UBE2V1: variants seen among roughly 807,000 people sequenced by gnomAD.
The protein encoded by UBE2V1 is ubiquitin conjugating enzyme E2 V1.
In UBE2V1, 15 loss-of-function variants were observed where a neutral mutation model predicts 19.6. The observed-to-expected ratio is 0.77, with a 90% CI of 0.51 to 1.18. The LOEUF (loss-of-function observed/expected upper bound fraction) is 1.18, where lower values mean the gene tolerates loss of function less well. Among genes scored for constraint, UBE2V1 ranks in the 50% most tolerant of loss-of-function variants. UBE2V1 has a pLI of 0.00. For synonymous variants in UBE2V1, 60 were observed against 60.7 expected, an observed-to-expected ratio of 0.99 and a Z score of 0.05; for missense variants, 125 against 184.8, an observed-to-expected ratio of 0.68 and a Z score of 1.88.
chr20:50,091,838 T>C (rs936653622), intron 2 of UBE2V1, among the ~76,000 whole-genome samples: 4 of 152,234 alleles, frequency 2.6e-5, no homozygotes, highest in African/African-American at 9.6e-5. Flanking sequence ...TACGTTTGCA[T>C]ACCCACAGCA....
chr20:50,082,955 C>T (rs757511844), intron 3 of UBE2V1, 41 bp from the exon 4 acceptor site: 4 of 1,595,442 alleles, frequency 2.5e-6, no homozygotes, highest in Non-Finnish European at 3.4e-6. Flanking sequence ...CTCAGACTCT[C>T]AAACAAAATA....
At chr20:50,113,523 A>C (rs1228807325), upstream of UBE2V1, among the ~76,000 whole-genome samples, 1 of 152,236 alleles carries the variant, frequency 6.6e-6, no homozygotes, top group Non-Finnish European at 1.5e-5. Flanking sequence ...CCGCAAGGTC[A>C]GAATTAATGT....
At chr20:50,111,932 C>G (rs2080778740) in intron 1 of UBE2V1, among the ~76,000 whole-genome samples, 1 of 152,142 alleles carries the variant, frequency 6.6e-6, no homozygotes, top group Non-Finnish European at 1.5e-5. Context: ...CCATTTTCAC[C>G]CCATCTGAGA....
intron 3 of UBE2V1, 77 bp downstream of exon 3, chr20:50,084,052 A>C: frequency 6.6e-7 from 1 of 1,514,962 alleles, no homozygotes; most frequent in Non-Finnish European, 8.8e-7. Flanking sequence ...AATTGGGCCC[A>C]GTCTAAAAGC....
At chr20:50,104,238 C>T (rs1281070805) in intron 1 of UBE2V1, 14 of 904,264 alleles carry the variant, frequency 1.5e-5, no homozygotes, top group African/African-American at 3.8e-5. Context: ...GCCGAGATCG[C>T]GCCACGGCAC....
chr20:50,092,356 C>T (rs1022912469), intron 2 of UBE2V1, among the ~76,000 whole-genome samples: 1 of 152,070 alleles, frequency 6.6e-6, no homozygotes, highest in Non-Finnish European at 1.5e-5. Flanking sequence ...TGGAGAACCC[C>T]AGAGGCTCAA....
intron 1 of UBE2V1, chr20:50,098,877 C>A: frequency 1.0e-6 from 1 of 978,228 alleles, no homozygotes. Flanking sequence ...AACCTGCAAG[C>A]ATACTTGAAC....
chr20:50,096,479 T>G (rs2079630670), intron 2 of UBE2V1, 193 bp downstream of exon 2: 1 of 1,451,660 alleles, frequency 6.9e-7, no homozygotes, highest in African/African-American at 1.4e-5. Flanking sequence ...AGGTTTTTGC[T>G]TACCATTTAG....
At chr20:50,109,054 G>A in intron 1 of UBE2V1, 1 of 985,418 alleles carries the variant, frequency 1.0e-6, no homozygotes, top group Non-Finnish European at 1.2e-6. Context: ...AGTCTCCCTT[G>A]GCTTTTGGCT....
At chr20:50,115,759 C>G, upstream of UBE2V1, 1 of 623,382 alleles carries the variant, frequency 1.6e-6, no homozygotes, top group Non-Finnish European at 2.3e-6. Flanking sequence ...TGTGAATATC[C>G]CCATTTTTAG....
intron 1 of UBE2V1, among the ~76,000 whole-genome samples, chr20:50,105,006 C>T (rs924152504): frequency 1.3e-5 from 2 of 152,160 alleles, no homozygotes; most frequent in Non-Finnish European, 2.9e-5. Flanking sequence ...GGATTACAGG[C>T]ATGAGCCACC....
chr20:50,109,934 G>A (rs1469559013), intron 1 of UBE2V1, among the ~76,000 whole-genome samples: 6 of 152,176 alleles, frequency 3.9e-5, no homozygotes, highest in African/African-American at 1.4e-4. Context: ...AGACATACAG[G>A]AACTGAGAAG....
intron 2 of UBE2V1, among the ~76,000 whole-genome samples, chr20:50,087,690 G>A (rs562052152): frequency 6.6e-6 from 1 of 152,272 alleles, no homozygotes; most frequent in South Asian, 2.1e-4. Context: ...AGACCAGCAG[G>A]CCCCTTCCTA....
intron 2 of UBE2V1, chr20:50,096,445 T>C: frequency 1.8e-6 from 2 of 1,121,444 alleles, no homozygotes; most frequent in Middle Eastern, 2.1e-4. Flanking sequence ...CATTGTCATA[T>C]AAATTCACAC....
At chr20:50,082,971 A>G in intron 3 of UBE2V1, 57 bp from the exon 4 acceptor site, 3 of 1,591,014 alleles carry the variant, frequency 1.9e-6, no homozygotes, top group Non-Finnish European at 2.6e-6. Flanking sequence ...AAATAGCTAT[A>G]TGCCGGGGTT....
At chr20:50,102,656 T>A (rs2080079845) in intron 1 of UBE2V1, among the ~76,000 whole-genome samples, 1 of 152,168 alleles carries the variant, frequency 6.6e-6, no homozygotes, top group African/African-American at 2.4e-5. Context: ...CTTCCCAAAG[T>A]GCTGGGATTA....
rs116901470 is a variant in UBE2V1, at chr20:50,087,843, C to G, written c.172-3589G>C. On this transcript the variant is annotated intron_variant, in intron 2 of 3. Transcript: ENST00000371674. ...TCATATAACCCGGAGACTTCGTAGC[C>G]TTCTCAAAGGCCGAGGGACACTCCT... Among the ~76,000 whole-genome samples, 744 of 152,202 alleles carry G rather than the reference C, an allele frequency of 4.9e-3. 8 individuals carry two copies. Among genetic ancestry groups the G allele is most frequent in the Non-Finnish European group, 5.5e-3 (374 of 67,998 alleles).
chr20:50,113,134 G>T lies in UBE2V1; in HGVS notation c.-6C>A. On this transcript the variant is annotated 5_prime_UTR_variant, in exon 1 of 4. Transcript: ENST00000371674. Reference sequence around the variant, plus strand: ...GAGCCCGTGGTGGCTGCCATCTTGCGTCGCTCTTGCTTGAAGGCCGGCCCC... The same window carrying T: ...GAGCCCGTGGTGGCTGCCATCTTGCTTCGCTCTTGCTTGAAGGCCGGCCCC... 1 of 1,372,552 alleles carries T rather than the reference G, an allele frequency of 7.3e-7. No individual in the cohort carries two copies. The highest frequency in any genetic ancestry group is 9.5e-7 in the Non-Finnish European group (1 of 1,049,572). 85.0% of individuals were successfully genotyped at this position (1,372,552 alleles called of 1,614,324 possible).
At chr20:50,100,841 C>T (rs2079941603) in intron 1 of UBE2V1, among the ~76,000 whole-genome samples, 1 of 152,162 alleles carries the variant, frequency 6.6e-6, no homozygotes, top group African/African-American at 2.4e-5. Context: ...TACCTTTTCA[C>T]CTAACAATCA....
Sources: gnomAD v4.1 joint callset for allele counts (sites outside exome capture counted in the v4.1 genomes callset) on GRCh38, gnomAD v4.1.1 for gene constraint, MANE v1.5 for transcripts, NCBI Gene and HGNC (gene_info 2026-07-23, HGNC 2026-07-21) for gene names.